The following BRAF variants were observed in gnomAD, a reference collection of about 807,000 sequenced individuals.
BRAF encodes B-Raf proto-oncogene, serine/threonine kinase, also known as serine/threonine-protein kinase B-raf.
BRAF carries 16 observed loss-of-function variants against 104.6 expected under a neutral mutation model. The observed-to-expected ratio is 0.15, with a 90% CI of 0.10 to 0.23. BRAF has a LOEUF of 0.23. Ranked by LOEUF, BRAF falls within the 10% of genes least tolerant of loss-of-function variation. BRAF has a pLI of 1.00. For missense variants in BRAF, 541 were observed against 937.3 expected (o/e 0.58, Z 5.52); for synonymous variants, 310 against 341.6 (o/e 0.91, Z 1.02).
chr7:140,750,481 C>T (rs114455913), intron 16 of BRAF, among the ~76,000 whole-genome samples: 2,220 of 152,270 alleles, frequency 0.015, 57 homozygotes, highest in African/African-American at 0.049. Flanking sequence ...GGGTGGGACC[C>T]AAACATTAAT....
At position 140,723,073 on chromosome 7, in the gene BRAF, G is replaced by C; in HGVS notation, c.*3421C>G. Reference sequence around the variant, plus strand: ...AAATAACTATTCATTACCTCATTCTGAAGAGGTAGTTTTTTGTAGAGGTCA... The same window carrying C: ...AAATAACTATTCATTACCTCATTCTCAAGAGGTAGTTTTTTGTAGAGGTCA... On this transcript the variant is annotated 3_prime_UTR_variant, in exon 20 of 20. Transcript: ENST00000644969. 5 of 1,051,490 alleles carry C rather than the reference G, an allele frequency of 4.8e-6. No individual in the cohort carries two copies. The highest frequency in any genetic ancestry group is 5.7e-6 in the Non-Finnish European group (5 of 870,698). 65.1% of individuals were successfully genotyped at this position (1,051,490 alleles called of 1,614,324 possible).
At chr7:140,800,754 AT>A (rs1210512922) in intron 6 of BRAF, among the ~76,000 whole-genome samples, 1 of 152,248 alleles carries the variant, frequency 6.6e-6, no homozygotes, top group African/African-American at 2.4e-5. Flanking sequence ...AAGAATGAGA[AT>A]AAAAAGTATC....
At chr7:140,810,509 G>T (rs1047708099) in intron 3 of BRAF, among the ~76,000 whole-genome samples, 3 of 152,158 alleles carry the variant, frequency 2.0e-5, no homozygotes, top group Non-Finnish European at 4.4e-5. Flanking sequence ...GGCAGAGGTT[G>T]CGGCAAGCCA....
intron 16 of BRAF, among the ~76,000 whole-genome samples, chr7:140,752,016 G>A (rs1402885173): frequency 6.6e-6 from 1 of 152,150 alleles, no homozygotes; most frequent in Non-Finnish European, 1.5e-5. Flanking sequence ...GGATGATAAA[G>A]AACTTTTGTT....
chr7:140,870,493 A>G (rs988432843), intron 1 of BRAF, among the ~76,000 whole-genome samples: 3 of 152,184 alleles, frequency 2.0e-5, no homozygotes, highest in Admixed American at 6.5e-5. Context: ...TTATCTCTTC[A>G]TAACAGTAAA....
rs915156467 is a variant in BRAF, at chr7:140,723,381, A to G, written c.*3113T>C. The G allele has an allele frequency of 1.5e-5, 16 of 1,054,552 alleles. No individual in the cohort carries two copies. Among genetic ancestry groups the G allele is most frequent in the African/African-American group, 8.3e-5 (5 of 60,410 alleles). The allele number at this position is 1,054,552 out of a possible 1,614,324, so 65.3% of individuals were successfully genotyped here. On this transcript the variant is annotated 3_prime_UTR_variant, in exon 20 of 20. Transcript: ENST00000644969. ...TCCAACACCAACATAAATATAGCAT[A>G]TATCATTTGTATGGGATTTTATCTT...
At chr7:140,837,340 C>T (rs1807452769) in intron 2 of BRAF, among the ~76,000 whole-genome samples, 1 of 152,174 alleles carries the variant, frequency 6.6e-6, no homozygotes, top group Admixed American at 6.5e-5. Context: ...CTGGGGCACA[C>T]ATACTTATCC....
rs1462928269 is a variant in BRAF, at chr7:140,723,144, T to C, written c.*3350A>G. The C allele has an allele frequency of 4.8e-6, 5 of 1,052,524 alleles. No individual in the cohort carries two copies. Among genetic ancestry groups the C allele is most frequent in the Non-Finnish European group, 5.7e-6 (5 of 871,532 alleles). The allele number at this position is 1,052,524 out of a possible 1,614,324, so 65.2% of individuals were successfully genotyped here. On this transcript the variant is annotated 3_prime_UTR_variant, in exon 20 of 20. Coordinates refer to ENST00000644969, the MANE Select transcript of BRAF (RefSeq NM_001374258.1). ...TTCGAACTAAAGCTAGAGATGAGGT[T>C]TGCAAGCAGCTGGCGGGTGGATGTA...
chr7:140,761,924 C>T (rs1798779272), intron 14 of BRAF, among the ~76,000 whole-genome samples: 1 of 152,024 alleles, frequency 6.6e-6, no homozygotes, highest in South Asian at 2.1e-4. Flanking sequence ...ACTTAGACTC[C>T]CACACAATAA....
At chr7:140,782,030 G>C (rs1800927341) in intron 11 of BRAF, among the ~76,000 whole-genome samples, 1 of 151,906 alleles carries the variant, frequency 6.6e-6, no homozygotes, top group Admixed American at 6.6e-5. Context: ...ATTTACATTA[G>C]GTATTTCTCT....
intron 1 of BRAF, among the ~76,000 whole-genome samples, chr7:140,869,937 TTGG>T (rs1216004942): frequency 6.6e-6 from 1 of 151,944 alleles, no homozygotes; most frequent in Non-Finnish European, 1.5e-5. Context: ...TCACTGAAAC[TTGG>T]TATATTTGAT....
At chr7:140,767,263 C>T (rs1799421857) in intron 14 of BRAF, among the ~76,000 whole-genome samples, 1 of 152,046 alleles carries the variant, frequency 6.6e-6, no homozygotes, top group Non-Finnish European at 1.5e-5. Context: ...CTCAGCTTCC[C>T]GAAGTGTTGG....
chr7:140,746,174 A>T (rs1797331353), intron 17 of BRAF, among the ~76,000 whole-genome samples: 1 of 152,242 alleles, frequency 6.6e-6, no homozygotes, highest in Non-Finnish European at 1.5e-5. Context: ...AACTGGAATA[A>T]TACACTTGAA....
intron 1 of BRAF, among the ~76,000 whole-genome samples, chr7:140,908,906 T>G (rs1816641016): frequency 1.4e-5 from 2 of 139,452 alleles, no homozygotes; most frequent in African/African-American, 5.0e-5. Flanking sequence ...CATCCACTTA[T>G]TTATTTGGAT....
intron 1 of BRAF, among the ~76,000 whole-genome samples, chr7:140,896,018 C>G (rs1353766146): frequency 2.0e-5 from 3 of 152,094 alleles, no homozygotes; most frequent in Non-Finnish European, 4.4e-5. Flanking sequence ...CAAGAGCGTC[C>G]AAGAGTTCTC....
At chr7:140,866,189 G>A (rs985402388) in intron 1 of BRAF, among the ~76,000 whole-genome samples, 9 of 152,214 alleles carry the variant, frequency 5.9e-5, no homozygotes, top group Non-Finnish European at 1.0e-4. Context: ...TAGATGTAGT[G>A]TAGGTTCAGG....
chr7:140,808,119 C>T lies in BRAF; in HGVS notation c.609-57G>A, dbSNP rs183540644. 84 of 1,332,508 alleles carry T rather than the reference C, an allele frequency of 6.3e-5. No individual in the cohort carries two copies. The Admixed American group carries it at 1.2e-3, about 19-fold the overall frequency. The allele number at this position is 1,332,508 out of a possible 1,614,324, so 82.5% of individuals were successfully genotyped here. On this transcript the variant is annotated intron_variant, in intron 4 of 19. Coordinates refer to ENST00000644969, the MANE Select transcript of BRAF (RefSeq NM_001374258.1). Reference sequence around the variant, plus strand: ...TATTACACCTAAAAATATTCATATACCTCATGCTGAAGATATGAAAATTGG... The same window carrying T: ...TATTACACCTAAAAATATTCATATATCTCATGCTGAAGATATGAAAATTGG...
At chr7:140,916,563 CT>C (rs764191838) in intron 1 of BRAF, among the ~76,000 whole-genome samples, 5 of 152,214 alleles carry the variant, frequency 3.3e-5, no homozygotes, top group Admixed American at 1.3e-4. Flanking sequence ...TCATTTTCCC[CT>C]ATACACATTT....
At chr7:140,803,083 T>G (rs1356766476) in intron 5 of BRAF, among the ~76,000 whole-genome samples, 5 of 152,248 alleles carry the variant, frequency 3.3e-5, no homozygotes, top group Non-Finnish European at 7.3e-5. Flanking sequence ...TTCAGTAACA[T>G]TCCGTGCAGG....
Sources: gnomAD v4.1 joint callset for allele counts (sites outside exome capture counted in the v4.1 genomes callset) on GRCh38, gnomAD v4.1.1 for gene constraint, MANE v1.5 for transcripts, NCBI Gene and HGNC (gene_info 2026-07-23, HGNC 2026-07-21) for gene names.